Variants in SPATC1L observed in about 807,000 individuals in gnomAD.
The protein encoded by SPATC1L is speriolin-like protein.
Under a neutral mutation model 21.2 loss-of-function variants are expected in SPATC1L, and 20 were observed. The observed-to-expected ratio is 0.94, with a 90% confidence interval of 0.66 to 1.37. SPATC1L has a LOEUF of 1.37. Ranked by LOEUF, SPATC1L falls within the 40% of genes most tolerant of loss-of-function variation. The pLI, the probability that SPATC1L is intolerant of heterozygous loss-of-function variation, is 0.00. For synonymous variants in SPATC1L, 290 were observed against 234.5 expected, an observed-to-expected ratio of 1.24 and a Z score of -2.16; for missense variants, 499 against 478.7, an observed-to-expected ratio of 1.04 and a Z score of -0.40.
At position 46,171,288 on chromosome 21, in the gene SPATC1L, C is replaced by A. The variant is rs535172219; in HGVS notation, c.194-2630G>T. ...CTCCATGTCATGTGTATTCTCCTAG[C>A]AATAAAGCAAATACATATTAGAGAA... On this transcript the variant is annotated intron_variant, in intron 2 of 4. Transcript: ENST00000291672. 3.3e-5 allele frequency among the ~76,000 whole-genome samples: 5 copies of A among 152,244 alleles called. No homozygotes were observed. The South Asian group carries it at 8.3e-4, about 25-fold the overall frequency.
At position 46,161,709 on chromosome 21, in the gene SPATC1L, C is replaced by A; in HGVS notation, c.697-4G>T. 6.3e-7 allele frequency: 1 copy of A among 1,576,886 alleles called. No individual in the cohort carries two copies. The highest frequency in any genetic ancestry group is 8.6e-7 in the Non-Finnish European group (1 of 1,159,766). ...CGTCCAGAGACTTGGTGGAGGTCTG[C>A]GGGCGCAGCGCATGGATGGGGGTGG... On this transcript the variant is annotated splice_polypyrimidine_tract_variant and splice_region_variant and intron_variant, in intron 4 of 4. Transcript: ENST00000291672.
intron 2 of SPATC1L, among the ~76,000 whole-genome samples, chr21:46,172,134 T>TGAGGCAGGA: frequency 1.5e-4 from 1 of 6,656 alleles, no homozygotes; most frequent in African/African-American, 3.4e-4. Context: ...ATGCACAGAG[T>TGAGGCAGGA]GTGAGGTGGG....
At position 46,168,301 on chromosome 21, in the gene SPATC1L, G is replaced by T; in HGVS notation, c.544+7C>A. ...GCCCCCCCAGGTGCCCCCGCACCCG[G>T]CCATACCATTGAGGTAGTAGCTCCT... On this transcript the variant is annotated splice_region_variant and intron_variant, in intron 3 of 4. Coordinates refer to ENST00000291672, the MANE Select transcript of SPATC1L (RefSeq NM_001142854.2). 1 of 1,560,980 alleles carries T rather than the reference G, an allele frequency of 6.4e-7. No individual in the cohort carries two copies.
chr21:46,172,418 G>T (rs573903173), intron 2 of SPATC1L, among the ~76,000 whole-genome samples: 1 of 152,328 alleles, frequency 6.6e-6, no homozygotes, highest in East Asian at 1.9e-4. Context: ...ACAGAGATAG[G>T]CTCACAAACA....
intron 3 of SPATC1L, among the ~76,000 whole-genome samples, chr21:46,166,884 A>G (rs898335027): frequency 3.3e-5 from 5 of 152,234 alleles, no homozygotes; most frequent in African/African-American, 1.2e-4. Flanking sequence ...ACAGAAAATC[A>G]AAGAAATATC....
chr21:46,166,096 T>C (rs1330033757), intron 3 of SPATC1L, among the ~76,000 whole-genome samples: 1 of 152,204 alleles, frequency 6.6e-6, no homozygotes, highest in East Asian at 1.9e-4. Flanking sequence ...GCAGGTGCAG[T>C]AGCTCATGCC....
intron 2 of SPATC1L, among the ~76,000 whole-genome samples, chr21:46,171,856 C>T (rs2839133): frequency 0.28 from 40,998 of 148,672 alleles, 6,837 homozygotes; most frequent in African/African-American, 0.46. Flanking sequence ...AGGCTGGAAC[C>T]GTAGAACAGG....
At chr21:46,183,991 G>C (rs2079704064) in intron 1 of SPATC1L, among the ~76,000 whole-genome samples, 1 of 151,800 alleles carries the variant, frequency 6.6e-6, no homozygotes, top group African/African-American at 2.4e-5. Flanking sequence ...ACCAGCCTAG[G>C]GTGGGGAGAC....
intron 3 of SPATC1L, 44 bp from the exon 4 acceptor site, chr21:46,162,111 A>C (rs1187859181): frequency 5.9e-6 from 9 of 1,518,344 alleles, no homozygotes; most frequent in African/African-American, 1.4e-5. Flanking sequence ...GAGCGCGAGG[A>C]TCCACTGCCC....
intron 3 of SPATC1L, among the ~76,000 whole-genome samples, chr21:46,168,070 C>T (rs1275504836): frequency 6.6e-6 from 1 of 152,186 alleles, no homozygotes; most frequent in Non-Finnish European, 1.5e-5. Flanking sequence ...TATCCAGACA[C>T]ATAAAGAACT....
intron 2 of SPATC1L, 54 bp from the exon 3 acceptor site, chr21:46,168,712 C>T: frequency 3.3e-6 from 4 of 1,228,192 alleles, no homozygotes; most frequent in Non-Finnish European, 4.3e-6. Flanking sequence ...TAAAACATTC[C>T]TGGGAAGTAT....
chr21:46,164,816 C>G (rs1017502426), intron 3 of SPATC1L, among the ~76,000 whole-genome samples: 7 of 133,386 alleles, frequency 5.2e-5, no homozygotes, highest in African/African-American at 2.2e-4. Context: ...AAAAAAGAAT[C>G]AAGCTCTTTC....
intron 3 of SPATC1L, among the ~76,000 whole-genome samples, chr21:46,164,907 A>G (rs1802729859): frequency 6.6e-6 from 1 of 152,132 alleles, no homozygotes; most frequent in South Asian, 2.1e-4. Flanking sequence ...GGTTCTAGAA[A>G]TGATTTCTAG....
chr21:46,175,348 T>C (rs1003651353), intron 2 of SPATC1L, among the ~76,000 whole-genome samples: 10 of 152,088 alleles, frequency 6.6e-5, no homozygotes, highest in African/African-American at 1.4e-4. Flanking sequence ...CAAAATACTA[T>C]TCAAAACATC....
chr21:46,172,236 G>T (rs1271942525), intron 2 of SPATC1L, among the ~76,000 whole-genome samples: 3 of 152,012 alleles, frequency 2.0e-5, no homozygotes, highest in African/African-American at 7.3e-5. Flanking sequence ...CACAAAGCGG[G>T]GAGGTGTGCA....
chr21:46,183,050 G>GCAGC lies in SPATC1L; in HGVS notation c.-238_-235dup, dbSNP rs1172789080. 16 of 501,674 alleles carry GCAGC rather than the reference G, an allele frequency of 3.2e-5. 1 individual carries two copies. The Admixed American group carries it at 6.3e-4, about 20-fold the overall frequency. 31.1% of individuals were successfully genotyped at this position (501,674 alleles called of 1,614,324 possible). On this transcript the variant is annotated 5_prime_UTR_variant, in exon 2 of 5. An upstream open reading frame in the 5' UTR gains an earlier in-frame stop. Transcript: ENST00000291672. ...AGCTGGAGGCCCGTGGCGTGCACAG[G>GCAGC]CAGCCACTCCCACATTATGACCAGG...
At position 46,174,191 on chromosome 21, in the gene SPATC1L, TG is replaced by T. The variant is rs1367258936; in HGVS notation, c.194-5534del. 6.6e-5 allele frequency among the ~76,000 whole-genome samples: 10 copies of T among 151,988 alleles called. No homozygotes were observed. In the South Asian group the frequency reaches 2.1e-3, roughly 32 times the overall value. On this transcript the variant is annotated intron_variant, in intron 2 of 4. Coordinates refer to ENST00000291672, the MANE Select transcript of SPATC1L (RefSeq NM_001142854.2). ...AAAAAATAGAAAAATTAGCCAGGCATGGTGTTGGGTGCCTATAATTCCAGCT... is the reference window on the plus strand; with the variant it reads ...AAAAAATAGAAAAATTAGCCAGGCATGTGTTGGGTGCCTATAATTCCAGCT...
At position 46,183,499 on chromosome 21, in the gene SPATC1L, AGGGGAGACCAGCTTGCG is replaced by A. The variant is rs1231841673; in HGVS notation, c.-700_-684del. Reference sequence around the variant, plus strand: ...CAGCCTGGGGAGGAGACCAGCCTGCAGGGGAGACCAGCTTGCGGGGGAGACCAGCCTGCGGGGGAGAC... The same window carrying A: ...CAGCCTGGGGAGGAGACCAGCCTGCAGGGGAGACCAGCCTGCGGGGGAGAC... On this transcript the variant is annotated 5_prime_UTR_variant, in exon 2 of 5. Coordinates refer to ENST00000291672, the MANE Select transcript of SPATC1L (RefSeq NM_001142854.2). 0.04 allele frequency: 4,298 copies of A among 106,590 alleles called. 176 individuals are homozygous for A. Among genetic ancestry groups the A allele is most frequent in the Non-Finnish European group, 0.056 (2,799 of 49,682 alleles). The allele number at this position is 106,590 out of a possible 1,614,324, so 6.6% of individuals were successfully genotyped here. A position where few individuals can be genotyped will look rare whatever the true frequency, so the allele number is the denominator to read the frequency against.
chr21:46,179,274 G>C (rs908700984), intron 2 of SPATC1L, among the ~76,000 whole-genome samples: 3 of 151,642 alleles, frequency 2.0e-5, no homozygotes, highest in African/African-American at 7.3e-5. Context: ...GGCCAGGCAC[G>C]GTGGCTCACA....
Sources: allele counts gnomAD v4.1 joint callset (sites outside exome capture counted in the v4.1 genomes callset), GRCh38; gene constraint gnomAD v4.1.1; transcripts MANE v1.5; gene names NCBI Gene and HGNC (gene_info 2026-07-23, HGNC 2026-07-21).